DCDC1: variants seen among roughly 807,000 people sequenced by gnomAD.
The protein encoded by DCDC1 is doublecortin domain-containing protein 1.
Under a neutral mutation model 178.3 loss-of-function variants are expected in DCDC1, and 200 were observed. That is an observed-to-expected ratio of 1.12 (90% CI 1.00 to 1.26). The LOEUF (loss-of-function observed/expected upper bound fraction) is 1.26, where lower values mean the gene tolerates loss of function less well. Among genes scored for constraint, DCDC1 ranks in the 50% most tolerant of loss-of-function variants. DCDC1 has a pLI of 0.00. For missense variants in DCDC1, 1,983 were observed against 1,749.2 expected (o/e 1.13, Z -2.38); for synonymous variants, 690 against 604.8 (o/e 1.14, Z -2.07).
intron 1 of DCDC1, among the ~76,000 whole-genome samples, chr11:31,356,439 A>G (rs1025606568): frequency 1.3e-5 from 2 of 152,122 alleles, no homozygotes; most frequent in African/African-American, 4.8e-5. Flanking sequence ...TCAAAGCAGT[A>G]TGTAGAGGGA....
At chr11:30,981,235 G>A (rs553579189) in intron 20 of DCDC1, among the ~76,000 whole-genome samples, 63 of 151,920 alleles carry the variant, frequency 4.1e-4, no homozygotes, top group Non-Finnish European at 8.4e-4. Context: ...TACCTGTTGG[G>A]TACAATGTTC....
intron 9 of DCDC1, among the ~76,000 whole-genome samples, chr11:31,192,833 T>C (rs555546624): frequency 3.9e-4 from 60 of 152,120 alleles, no homozygotes; most frequent in Non-Finnish European, 5.9e-4. Context: ...CAGGAAGAGA[T>C]TTGCATTTAA....
intron 1 of DCDC1, among the ~76,000 whole-genome samples, chr11:31,358,659 A>G (rs1951530839): frequency 6.6e-6 from 1 of 152,134 alleles, no homozygotes; most frequent in Non-Finnish European, 1.5e-5. Flanking sequence ...GCAACCTACA[A>G]AATGGGACAA....
At chr11:30,890,828 G>A (rs1189263771) in intron 36 of DCDC1, among the ~76,000 whole-genome samples, 1 of 151,926 alleles carries the variant, frequency 6.6e-6, no homozygotes, top group East Asian at 1.9e-4. Context: ...ATTTCAAAAA[G>A]GTAGTTTTGA....
intron 20 of DCDC1, among the ~76,000 whole-genome samples, chr11:31,028,458 CCT>C (rs773163252): frequency 5.9e-5 from 9 of 151,832 alleles, no homozygotes; most frequent in Non-Finnish European, 1.2e-4. Context: ...TTACTGATGC[CCT>C]GTCCATCTTT....
At chr11:31,337,897 A>G (rs181459938) in intron 1 of DCDC1, among the ~76,000 whole-genome samples, 1 of 152,304 alleles carries the variant, frequency 6.6e-6, no homozygotes, top group Admixed American at 6.5e-5. Context: ...ATTTAGGGGA[A>G]GAGGAAGGAG....
At chr11:31,102,089 A>C in intron 15 of DCDC1, 88 bp downstream of exon 15, 1 of 513,456 alleles carries the variant, frequency 1.9e-6, no homozygotes, top group Admixed American at 3.1e-5. Context: ...AAAAAAAAAA[A>C]AAAAACTGTC....
At chr11:31,158,265 C>A (rs551739391) in intron 9 of DCDC1, among the ~76,000 whole-genome samples, 1 of 151,750 alleles carries the variant, frequency 6.6e-6, no homozygotes, top group Non-Finnish European at 1.5e-5. Flanking sequence ...CCCGCCATCA[C>A]GCCCGGCTAA....
chr11:30,923,537 C>T (rs949461080), intron 23 of DCDC1, among the ~76,000 whole-genome samples: 1 of 150,236 alleles, frequency 6.7e-6, no homozygotes, highest in African/African-American at 2.4e-5. Flanking sequence ...GCTGCCTTTT[C>T]TGATCATTGC....
intron 15 of DCDC1, among the ~76,000 whole-genome samples, chr11:31,095,616 G>C (rs774239338): frequency 4.6e-5 from 7 of 152,158 alleles, no homozygotes; most frequent in Non-Finnish European, 8.8e-5. Flanking sequence ...TATGAGCTGA[G>C]ACTTTAGAGA....
intron 9 of DCDC1, among the ~76,000 whole-genome samples, chr11:31,235,403 G>GA (rs779296680): frequency 2.1e-4 from 31 of 144,298 alleles, no homozygotes; most frequent in African/African-American, 4.1e-4. Flanking sequence ...GAGTTGAGTA[G>GA]AAAAAAAAAA....
intron 20 of DCDC1, among the ~76,000 whole-genome samples, chr11:31,055,219 A>ATGT (rs1955507029): frequency 1.3e-5 from 2 of 152,318 alleles, no homozygotes; most frequent in South Asian, 4.1e-4. Flanking sequence ...AATGGCCAAC[A>ATGT]AACATATGAA....
chr11:31,019,445 C>A (rs1952717703), intron 20 of DCDC1, among the ~76,000 whole-genome samples: 1 of 148,628 alleles, frequency 6.7e-6, no homozygotes, highest in Non-Finnish European at 1.5e-5. Context: ...AAGAAAAAAT[C>A]AATAGGGTGA....
chr11:31,234,464 C>G (rs895572632), intron 9 of DCDC1, among the ~76,000 whole-genome samples: 1 of 152,122 alleles, frequency 6.6e-6, no homozygotes, highest in Non-Finnish European at 1.5e-5. Context: ...CAATGATACC[C>G]AAGATGTTTA....
chr11:30,890,595 TACA>T (rs1165421430), intron 36 of DCDC1, among the ~76,000 whole-genome samples: 25 of 152,194 alleles, frequency 1.6e-4, no homozygotes, highest in African/African-American at 6.0e-4. Context: ...TTCCCTATCA[TACA>T]ACTTTTCCTT....
At chr11:31,015,853 T>C (rs1952457479) in intron 20 of DCDC1, among the ~76,000 whole-genome samples, 2 of 152,070 alleles carry the variant, frequency 1.3e-5, no homozygotes, top group Non-Finnish European at 2.9e-5. Context: ...GAGACTTCTG[T>C]GGTAGGAATT....
chr11:31,156,789 T>C (rs1965757162), intron 9 of DCDC1, among the ~76,000 whole-genome samples: 1 of 152,192 alleles, frequency 6.6e-6, no homozygotes, highest in Non-Finnish European at 1.5e-5. Context: ...TTAAAGATGA[T>C]AACTGCCACT....
At chr11:30,962,432 C>T (rs1263471170) in intron 20 of DCDC1, among the ~76,000 whole-genome samples, 1 of 151,710 alleles carries the variant, frequency 6.6e-6, no homozygotes, top group African/African-American at 2.4e-5. Flanking sequence ...GATAATAATC[C>T]ATCCTGTATA....
intron 9 of DCDC1, among the ~76,000 whole-genome samples, chr11:31,162,952 C>A (rs897362915): frequency 3.3e-5 from 5 of 152,122 alleles, no homozygotes; most frequent in South Asian, 2.1e-4. Context: ...TATTACTTTT[C>A]AAACAAGCTC....
Sources: allele counts gnomAD v4.1 joint callset (sites outside exome capture counted in the v4.1 genomes callset), GRCh38; gene constraint gnomAD v4.1.1; transcripts MANE v1.5; gene names NCBI Gene and HGNC (gene_info 2026-07-23, HGNC 2026-07-21).